GXYLT1: variants seen among roughly 807,000 people sequenced by gnomAD.
GXYLT1 encodes glucoside xylosyltransferase 1.
In GXYLT1, 29 loss-of-function variants were observed where a neutral mutation model predicts 54.0. The ratio of observed to expected loss-of-function variants is 0.54; its 90% confidence interval spans 0.40 to 0.73. GXYLT1 has a LOEUF of 0.73. Ranked by LOEUF, GXYLT1 falls within the 30% of genes least tolerant of loss-of-function variation. The pLI, the probability that GXYLT1 is intolerant of heterozygous loss-of-function variation, is 0.00. For missense variants in GXYLT1, 490 were observed against 553.4 expected, an observed-to-expected ratio of 0.89 and a Z score of 1.15; for synonymous variants, 176 against 204.1, an observed-to-expected ratio of 0.86 and a Z score of 1.17.
chr12:42,144,089 A>G (rs1434872875), intron 1 of GXYLT1, among the ~76,000 whole-genome samples: 5 of 152,214 alleles, frequency 3.3e-5, no homozygotes, highest in Admixed American at 2.0e-4. Context: ...CTGAAACAAG[A>G]GGAAATTCTC....
At chr12:42,110,912 T>C (rs2065449666) in intron 3 of GXYLT1, among the ~76,000 whole-genome samples, 1 of 152,222 alleles carries the variant, frequency 6.6e-6, no homozygotes, top group Non-Finnish European at 1.5e-5. Context: ...AACCAAACAT[T>C]CTCAGTGATT....
At chr12:42,092,244 C>G (rs147280871) in intron 7 of GXYLT1, among the ~76,000 whole-genome samples, 129 of 152,218 alleles carry the variant, frequency 8.5e-4, no homozygotes, top group Non-Finnish European at 1.5e-3. Flanking sequence ...TTCTCCTGAC[C>G]CCCACATTTA....
intron 5 of GXYLT1, among the ~76,000 whole-genome samples, chr12:42,099,038 C>CAG (rs2065374591): frequency 1.3e-5 from 2 of 151,934 alleles, no homozygotes; most frequent in Non-Finnish European, 2.9e-5. Flanking sequence ...CTCACCATCC[C>CAG]AGAGAGAGGC....
chr12:42,119,274 C>T (rs2065516479), intron 2 of GXYLT1, 103 bp from the exon 3 acceptor site: 1 of 909,446 alleles, frequency 1.1e-6, no homozygotes, highest in African/African-American at 1.7e-5. Flanking sequence ...GATGTTGTGA[C>T]TCATGCCTGC....
chr12:42,128,411 T>C (rs1259152457), intron 2 of GXYLT1, among the ~76,000 whole-genome samples: 1 of 152,124 alleles, frequency 6.6e-6, no homozygotes, highest in Non-Finnish European at 1.5e-5. Context: ...TAATTAAAAG[T>C]TTTTAAAAAT....
chr12:42,097,340 C>G (rs1276775191), intron 7 of GXYLT1, 102 bp downstream of exon 7: 4 of 829,834 alleles, frequency 4.8e-6, no homozygotes, highest in Non-Finnish European at 7.2e-6. Flanking sequence ...ACAGATGAGG[C>G]TGAGTGTGTG....
chr12:42,094,055 T>TAAAA (rs34117278), intron 7 of GXYLT1, among the ~76,000 whole-genome samples: 2 of 142,818 alleles, frequency 1.4e-5, no homozygotes, highest in African/African-American at 5.1e-5. Context: ...ATTACAACTT[T>TAAAA]AAAAAAAAAA....
intron 2 of GXYLT1, among the ~76,000 whole-genome samples, chr12:42,120,548 A>G (rs572829696): frequency 6.6e-6 from 1 of 151,858 alleles, no homozygotes; most frequent in Non-Finnish European, 1.5e-5. Context: ...CCTTCTTTTT[A>G]GAGACAGGGT....
At chr12:42,109,721 T>C in intron 3 of GXYLT1, 30 bp from the exon 4 acceptor site, 1 of 1,370,484 alleles carries the variant, frequency 7.3e-7, no homozygotes, top group South Asian at 1.3e-5. Context: ...AACTGTTTAG[T>C]TTCACTCTGA....
At position 42,087,491 on chromosome 12, in the gene GXYLT1, G is replaced by A; in HGVS notation, c.*295C>T. 1 of 267,858 alleles carries A rather than the reference G, an allele frequency of 3.7e-6. No individual in the cohort carries two copies. Among genetic ancestry groups the A allele is most frequent in the Non-Finnish European group, 7.0e-6 (1 of 141,868 alleles). The allele number at this position is 267,858 out of a possible 1,614,324, so 16.6% of individuals were successfully genotyped here. A position where few individuals can be genotyped will look rare whatever the true frequency, so the allele number is the denominator to read the frequency against. ...CTACACACCCCTACCACTCTTGAGA[G>A]TATGAGTCAACAGAAGTCTGCAGGT... On this transcript the variant is annotated 3_prime_UTR_variant, in exon 8 of 8. Coordinates refer to ENST00000398675, the MANE Select transcript of GXYLT1 (RefSeq NM_173601.2).
chr12:42,124,506 GAACA>G, intron 2 of GXYLT1, among the ~76,000 whole-genome samples: 1 of 151,760 alleles, frequency 6.6e-6, no homozygotes, highest in East Asian at 1.9e-4. Context: ...ATGATATACA[GAACA>G]AAAGAAAAAA....
intron 6 of GXYLT1, 125 bp downstream of exon 6, chr12:42,097,785 C>T (rs755681490): frequency 4.3e-5 from 43 of 999,968 alleles, no homozygotes; most frequent in Admixed American, 5.8e-5. Context: ...AGTTTTACTC[C>T]GTCTTAAACA....
chr12:42,120,310 A>G (rs958357825), intron 2 of GXYLT1, among the ~76,000 whole-genome samples: 3 of 152,234 alleles, frequency 2.0e-5, no homozygotes, highest in African/African-American at 7.2e-5. Flanking sequence ...CTTCACATTA[A>G]TAACACACAT....
chr12:42,097,383 C>T, intron 7 of GXYLT1, 59 bp downstream of exon 7: 3 of 1,318,072 alleles, frequency 2.3e-6, no homozygotes, highest in African/African-American at 1.5e-5. Context: ...TGTAAACTAA[C>T]CATTAGCTTG....
intron 5 of GXYLT1, among the ~76,000 whole-genome samples, chr12:42,101,463 G>C (rs1055193747): frequency 6.6e-6 from 1 of 152,110 alleles, no homozygotes; most frequent in African/African-American, 2.4e-5. Context: ...GTGATTATGT[G>C]TAATGACATA....
At chr12:42,107,114 C>T (rs2065425981) in intron 4 of GXYLT1, among the ~76,000 whole-genome samples, 1 of 152,094 alleles carries the variant, frequency 6.6e-6, no homozygotes, top group Admixed American at 6.5e-5. Flanking sequence ...TTTAAATTTA[C>T]CGCCTATCCT....
intron 1 of GXYLT1, 46 bp downstream of exon 1, chr12:42,144,380 A>AGCGCCCC (rs750823525): frequency 1.5e-3 from 1,866 of 1,280,796 alleles, no homozygotes; most frequent in Non-Finnish European, 1.8e-3. Flanking sequence ...GCCCGCGCCC[A>AGCGCCCC]GCGCCCCGCG....
chr12:42,088,743 A>C (rs1366463863), intron 7 of GXYLT1, among the ~76,000 whole-genome samples: 2 of 151,944 alleles, frequency 1.3e-5, no homozygotes, highest in African/African-American at 2.4e-5. Flanking sequence ...TTCAATTAGA[A>C]AGATGGATGG....
intron 1 of GXYLT1, among the ~76,000 whole-genome samples, chr12:42,131,002 C>T (rs1220787606): frequency 6.6e-6 from 1 of 152,000 alleles, no homozygotes; most frequent in African/African-American, 2.4e-5. Context: ...CAAAAAAACC[C>T]GAAAATCATG....
Sources: gnomAD v4.1 joint callset for allele counts (sites outside exome capture counted in the v4.1 genomes callset) on GRCh38, gnomAD v4.1.1 for gene constraint, MANE v1.5 for transcripts, NCBI Gene and HGNC (gene_info 2026-07-23, HGNC 2026-07-21) for gene names.